LRMDA: variants seen among roughly 807,000 people sequenced by gnomAD.
LRMDA encodes the protein leucine rich melanocyte differentiation associated.
LRMDA carries 18 observed loss-of-function variants against 29.8 expected under a neutral mutation model. The ratio of observed to expected loss-of-function variants is 0.60; its 90% CI spans 0.42 to 0.90. The LOEUF (loss-of-function observed/expected upper bound fraction) is 0.90, where lower values mean the gene tolerates loss of function less well. Ranked by LOEUF, LRMDA falls within the 40% of genes least tolerant of loss-of-function variation. LRMDA has a pLI of 0.00. For missense variants in LRMDA, 273 were observed against 273.9 expected (o/e 1.00, Z 0.02); for synonymous variants, 125 against 109.4 (o/e 1.14, Z -0.89).
At chr10:75,932,320 T>C (rs1258434414) in intron 2 of LRMDA, among the ~76,000 whole-genome samples, 2 of 152,018 alleles carry the variant, frequency 1.3e-5, no homozygotes, top group Non-Finnish European at 2.9e-5. Flanking sequence ...TCCAATTGGG[T>C]ATAATAGAGG....
At chr10:75,837,286 A>C (rs1844456496) in intron 2 of LRMDA, among the ~76,000 whole-genome samples, 1 of 152,182 alleles carries the variant, frequency 6.6e-6, no homozygotes, top group Non-Finnish European at 1.5e-5. Context: ...CCTGTATTTC[A>C]GAGAAGAGGA....
chr10:75,755,466 C>T (rs773021627), intron 2 of LRMDA, among the ~76,000 whole-genome samples: 13 of 152,176 alleles, frequency 8.5e-5, no homozygotes, highest in African/African-American at 1.9e-4. Context: ...ATTACTCTAA[C>T]GGCAACATGC....
chr10:75,599,007 G>C (rs958187721), intron 2 of LRMDA, among the ~76,000 whole-genome samples: 5 of 152,146 alleles, frequency 3.3e-5, no homozygotes, highest in African/African-American at 1.2e-4. Flanking sequence ...AGGAGGTGGG[G>C]GCAGGGGCAA....
In LRMDA at chr10:75,431,734, C is replaced by A; in HGVS notation, c.10C>A (p.Leu4Ile). The change falls in exon 1 of 7, where the codon CTC becomes ATC. Residue 4 changes from leucine (L) to isoleucine (I), a missense_variant. Transcript: ENST00000611255. ...CAGCGTCCTGGCCGCCATGGCCGGG[C>A]TCGTGGTGCGTGGAACTCAAGTAAG... MAGLVVRGTQVSYI... is the reference protein window; with the variant it reads MAGIVVRGTQVSYI... 1.5e-6 allele frequency: 2 copies of A among 1,369,556 alleles called. No individual in the cohort carries two copies. Among genetic ancestry groups the A allele is most frequent in the Non-Finnish European group, 9.5e-7 (1 of 1,056,582 alleles). The allele number at this position is 1,369,556 out of a possible 1,614,324, so 84.8% of individuals were successfully genotyped here. A position where few individuals can be genotyped will look rare whatever the true frequency, so the allele number is the denominator to read the frequency against.
At chr10:76,344,659 T>G (rs1424790206) in intron 6 of LRMDA, among the ~76,000 whole-genome samples, 1 of 152,034 alleles carries the variant, frequency 6.6e-6, no homozygotes, top group East Asian at 1.9e-4. Context: ...ATGTTAATAA[T>G]TAAAACAATG....
chr10:76,296,030 C>G (rs1840407840), intron 5 of LRMDA, among the ~76,000 whole-genome samples: 1 of 152,174 alleles, frequency 6.6e-6, no homozygotes, highest in Non-Finnish European at 1.5e-5. Context: ...CTTTGCCTTA[C>G]TGAGTACTGC....
intron 2 of LRMDA, among the ~76,000 whole-genome samples, chr10:75,469,973 A>G (rs955100055): frequency 3.3e-5 from 5 of 152,132 alleles, no homozygotes; most frequent in African/African-American, 1.2e-4. Flanking sequence ...AATAGGAAGG[A>G]GTCTAAGAAC....
chr10:76,240,192 A>C (rs1304110815), intron 5 of LRMDA, among the ~76,000 whole-genome samples: 4 of 146,076 alleles, frequency 2.7e-5, no homozygotes, highest in African/African-American at 8.1e-5. Flanking sequence ...ACACACACAC[A>C]CCACACACAC....
intron 5 of LRMDA, among the ~76,000 whole-genome samples, chr10:76,069,112 G>A (rs749589440): frequency 7.9e-5 from 12 of 152,176 alleles, no homozygotes; most frequent in Non-Finnish European, 1.8e-4. Context: ...AACCCTCTGG[G>A]AGGTGTGTTT....
At chr10:76,476,353 G>A (rs1325003357) in intron 6 of LRMDA, among the ~76,000 whole-genome samples, 1 of 152,108 alleles carries the variant, frequency 6.6e-6, no homozygotes, top group Non-Finnish European at 1.5e-5. Flanking sequence ...AAACCAGGAA[G>A]AAGCAAAATC....
intron 2 of LRMDA, among the ~76,000 whole-genome samples, chr10:75,504,590 T>C (rs1193750628): frequency 1.3e-5 from 2 of 152,190 alleles, no homozygotes; most frequent in African/African-American, 4.8e-5. Flanking sequence ...GGGGGAGTCA[T>C]CTTCTCTAAG....
At chr10:76,265,721 C>T (rs1394182542) in intron 5 of LRMDA, among the ~76,000 whole-genome samples, 1 of 152,168 alleles carries the variant, frequency 6.6e-6, no homozygotes, top group Non-Finnish European at 1.5e-5. Flanking sequence ...GTCAGATCTT[C>T]AGCTTTCCAT....
At position 76,174,320 on chromosome 10, in the gene LRMDA, A is replaced by T. The variant is rs186405527; in HGVS notation, c.516+115537A>T. Reference sequence around the variant, plus strand: ...AAATTAATTTAATTAAAAAATTTTTAAAAAATTATGAGAAAATTAAATTCT... The same window carrying T: ...AAATTAATTTAATTAAAAAATTTTTTAAAAATTATGAGAAAATTAAATTCT... On this transcript the variant is annotated intron_variant, in intron 5 of 6. Transcript: ENST00000611255. Among the ~76,000 whole-genome samples, 741 of 152,248 alleles carry T rather than the reference A, an allele frequency of 4.9e-3. 6 individuals carry two copies. The highest frequency in any genetic ancestry group is 0.024 in the East Asian group (124 of 5,188).
chr10:76,534,551 T>C (rs552012139), intron 6 of LRMDA, among the ~76,000 whole-genome samples: 2 of 152,330 alleles, frequency 1.3e-5, no homozygotes, highest in South Asian at 4.1e-4. Flanking sequence ...AGATGTAAAC[T>C]TCTATTGTGT....
At chr10:75,739,438 T>A (rs1842803987) in intron 2 of LRMDA, among the ~76,000 whole-genome samples, 1 of 152,302 alleles carries the variant, frequency 6.6e-6, no homozygotes, top group South Asian at 2.1e-4. Context: ...GAAAATTAAT[T>A]TTCTGTTCTG....
intron 5 of LRMDA, among the ~76,000 whole-genome samples, chr10:76,170,332 T>C (rs946507549): frequency 5.9e-5 from 9 of 152,248 alleles, no homozygotes; most frequent in Non-Finnish European, 1.5e-5. Context: ...CATAGGTATA[T>C]GGTGAAGTCT....
At chr10:75,887,357 C>A (rs998433540) in intron 2 of LRMDA, among the ~76,000 whole-genome samples, 3 of 151,940 alleles carry the variant, frequency 2.0e-5, no homozygotes, top group African/African-American at 7.3e-5. Context: ...TTGGTACACG[C>A]ACATTTTTAG....
chr10:76,457,823 G>A (rs759840849), intron 6 of LRMDA, among the ~76,000 whole-genome samples: 7 of 152,146 alleles, frequency 4.6e-5, no homozygotes, highest in Non-Finnish European at 8.8e-5. Flanking sequence ...AGGAGCAATC[G>A]TTCAGTATTT....
chr10:75,551,732 G>A (rs1840153249), intron 2 of LRMDA, among the ~76,000 whole-genome samples: 1 of 151,870 alleles, frequency 6.6e-6, no homozygotes, highest in African/African-American at 2.4e-5. Flanking sequence ...TATTTTTTTT[G>A]AGAGGCTAAA....
Sources: allele counts gnomAD v4.1 joint callset (sites outside exome capture counted in the v4.1 genomes callset), GRCh38; gene constraint gnomAD v4.1.1; transcripts MANE v1.5; gene names NCBI Gene and HGNC (gene_info 2026-07-23, HGNC 2026-07-21).